The following NHS variants were observed in gnomAD, a reference collection of about 807,000 sequenced individuals.
NHS encodes the protein NHS actin remodeling regulator, also known as actin remodeling regulator NHS.
Under a neutral mutation model 72.5 loss-of-function variants are expected in NHS, and 5 were observed. That is an observed-to-expected ratio of 0.07 (90% confidence interval 0.04 to 0.14). The LOEUF (loss-of-function observed/expected upper bound fraction) is 0.14. Ranked by LOEUF, NHS falls within the 10% of genes least tolerant of loss-of-function variation. The probability of loss-of-function intolerance (pLI) is 1.00; values close to 1 mark genes in which losing one functional copy is unlikely to be tolerated. For missense variants in NHS, 1,072 were observed against 1,355.7 expected (o/e 0.79, Z 3.29); for synonymous variants, 464 against 547.7 (o/e 0.85, Z 2.13).
At chrX:17,536,354 C>T (rs1569274914) in intron 1 of NHS, among the ~76,000 whole-genome samples, 1 of 111,506 alleles carries the variant, frequency 9.0e-6, no homozygotes, top group Non-Finnish European at 1.9e-5. Context: ...GACTCCGTCT[C>T]AAAAAAACAA....
At chrX:17,627,104 A>G (rs993210651) in intron 1 of NHS, among the ~76,000 whole-genome samples, 3 of 112,288 alleles carry the variant, frequency 2.7e-5, no homozygotes, top group Non-Finnish European at 5.6e-5. Context: ...CTTTTAGCCA[A>G]TCTTAAAATT....
At chrX:17,402,221 G>A (rs2064506233) in intron 1 of NHS, among the ~76,000 whole-genome samples, 1 of 111,784 alleles carries the variant, frequency 8.9e-6, no homozygotes, top group African/African-American at 3.3e-5. Context: ...AATTGGAACC[G>A]TTATACATTG....
At chrX:17,440,969 G>A (rs1186925508) in intron 1 of NHS, among the ~76,000 whole-genome samples, 1 of 111,643 alleles carries the variant, frequency 9.0e-6, no homozygotes, top group Non-Finnish European at 1.9e-5. Flanking sequence ...TCTCTCTGGG[G>A]GACTGGGTCA....
intron 1 of NHS, among the ~76,000 whole-genome samples, chrX:17,421,140 TA>T (rs1315609228): frequency 9.1e-6 from 1 of 109,810 alleles, no homozygotes; most frequent in Non-Finnish European, 1.9e-5. Context: ...GGTGGTTTCT[TA>T]ATTATGAAGT....
At chrX:17,684,105 T>C (rs903987540) in intron 1 of NHS, among the ~76,000 whole-genome samples, 3 of 111,453 alleles carry the variant, frequency 2.7e-5, no homozygotes, top group African/African-American at 9.8e-5. Flanking sequence ...CCTGCCACCA[T>C]ATAAGACGTG....
At chrX:17,684,037 A>C (rs1174715505) in intron 1 of NHS, among the ~76,000 whole-genome samples, 1 of 111,419 alleles carries the variant, frequency 9.0e-6, no homozygotes, top group Non-Finnish European at 1.9e-5. Flanking sequence ...GTAGTGAATA[A>C]ATCTCGTGAG....
intron 1 of NHS, among the ~76,000 whole-genome samples, chrX:17,677,916 TC>T (rs1278645696): frequency 7.2e-5 from 8 of 111,234 alleles, no homozygotes; most frequent in Non-Finnish European, 1.5e-4. Flanking sequence ...CAAGAGATCC[TC>T]CCGCCTCAGA....
intron 1 of NHS, among the ~76,000 whole-genome samples, chrX:17,497,034 T>A (rs1184523386): frequency 8.9e-6 from 1 of 112,118 alleles, no homozygotes; most frequent in Non-Finnish European, 1.9e-5. Flanking sequence ...CATGGTTATT[T>A]GGGTTCATGA....
At chrX:17,424,378 G>T (rs746863514) in intron 1 of NHS, among the ~76,000 whole-genome samples, 1 of 111,663 alleles carries the variant, frequency 9.0e-6, no homozygotes, top group Non-Finnish European at 1.9e-5. Context: ...TTTAAGGAGA[G>T]ATTCTGTGCA....
At chrX:17,522,079 C>A (rs969673144) in intron 1 of NHS, among the ~76,000 whole-genome samples, 4 of 111,508 alleles carry the variant, frequency 3.6e-5, no homozygotes, top group Non-Finnish European at 7.5e-5. Context: ...GGCATGAGGC[C>A]CAGGCTTGGA....
chrX:17,607,857 G>C (rs753955547), intron 1 of NHS, among the ~76,000 whole-genome samples: 2 of 109,011 alleles, frequency 1.8e-5, no homozygotes, highest in African/African-American at 6.7e-5. Flanking sequence ...CCTGAATATG[G>C]CATCAAGACC....
intron 1 of NHS, among the ~76,000 whole-genome samples, chrX:17,459,835 C>T (rs1253086883): frequency 8.9e-6 from 1 of 112,133 alleles, no homozygotes; most frequent in Non-Finnish European, 1.9e-5. Flanking sequence ...ATTCCCTCCT[C>T]CCAACACCCC....
chrX:17,680,649 G>C (rs1806302397), intron 1 of NHS, among the ~76,000 whole-genome samples: 1 of 111,764 alleles, frequency 8.9e-6, no homozygotes, highest in South Asian at 3.7e-4. Context: ...TTTAAGTTCT[G>C]GGGTACACGT....
At position 17,727,858 on chromosome X, in the gene NHS, T is replaced by C; in HGVS notation, c.3752T>C (p.Val1251Ala). The stretch of plus-strand genomic sequence containing the variant: ...GATTCAAATGTCACAAAAGACCAAG[T>C]GCGTACAGAGACTGAGCCTATTCCA... ...LLDSNVTKDQVRTETEPIPEN... is the reference protein window; with the variant it reads ...LLDSNVTKDQARTETEPIPEN... Residue 1251 changes from valine (V) to alanine (A), a missense_variant, in exon 7 of 9, where the codon GTG (valine) becomes GCG (alanine). Val to Ala is a moderately conservative substitution (Grantham distance 64, BLOSUM62 0). Coordinates refer to ENST00000676302, the MANE Select transcript of NHS (RefSeq NM_001291867.2). The C allele has an allele frequency of 3.3e-6, 4 of 1,211,889 alleles. No homozygotes were observed. Among genetic ancestry groups the C allele is most frequent in the Non-Finnish European group, 4.5e-6 (4 of 895,489 alleles).
chrX:17,398,009 A>G (rs1213847952), intron 1 of NHS, among the ~76,000 whole-genome samples: 2 of 112,237 alleles, frequency 1.8e-5, no homozygotes, highest in Non-Finnish European at 3.8e-5. Flanking sequence ...TACAAAAGGG[A>G]CCAACCTGTC....
intron 1 of NHS, among the ~76,000 whole-genome samples, chrX:17,526,369 A>C (rs1362041189): frequency 3.6e-5 from 4 of 112,417 alleles, no homozygotes; most frequent in African/African-American, 1.3e-4. Context: ...TCCCCCTGGC[A>C]GTGTCCTCTT....
At chrX:17,677,708 A>G (rs1430125258) in intron 1 of NHS, among the ~76,000 whole-genome samples, 14 of 112,079 alleles carry the variant, frequency 1.2e-4, no homozygotes, top group Admixed American at 1.2e-3. Context: ...TCCAAATCCA[A>G]TGCTGGGAGA....
chrX:17,656,508 T>G (rs946908245), intron 1 of NHS, among the ~76,000 whole-genome samples: 1 of 112,059 alleles, frequency 8.9e-6, no homozygotes, highest in African/African-American at 3.2e-5. Context: ...CGAGAGGAGA[T>G]CCCCCTTGGT....
intron 1 of NHS, among the ~76,000 whole-genome samples, chrX:17,624,964 G>C (rs2065790931): frequency 1.9e-5 from 2 of 107,999 alleles, no homozygotes; most frequent in Admixed American, 1.0e-4. Context: ...GCCCCAGAGG[G>C]CTTCTGTTTG....
Sources: gnomAD v4.1 joint callset for allele counts (sites outside exome capture counted in the v4.1 genomes callset) on GRCh38, gnomAD v4.1.1 for gene constraint, MANE v1.5 for transcripts, NCBI Gene and HGNC (gene_info 2026-07-23, HGNC 2026-07-21) for gene names.